Variants in DPP6 observed in about 807,000 individuals in gnomAD.
DPP6 encodes A-type potassium channel modulatory protein DPP6.
DPP6 carries 69 observed loss-of-function variants against 122.6 expected under a neutral mutation model. That is an observed-to-expected ratio of 0.56 (90% CI 0.46 to 0.69). The LOEUF is 0.69. Ranked by LOEUF, DPP6 falls within the 30% of genes least tolerant of loss-of-function variation. The pLI, the probability that DPP6 is intolerant of heterozygous loss-of-function variation, is 0.00. For missense variants in DPP6, 928 were observed against 1,116.9 expected (o/e 0.83, Z 2.41); for synonymous variants, 418 against 433.1 (o/e 0.97, Z 0.43).
In DPP6 at chr7:154,624,970, A is replaced by G. The variant is rs1244476619; in HGVS notation, c.628-12851A>G. On this transcript the variant is annotated intron_variant, in intron 5 of 25. Coordinates refer to ENST00000377770, the MANE Select transcript of DPP6 (RefSeq NM_130797.4). The surrounding 1 kb of genome is among the most constrained non-coding windows in gnomAD (Gnocchi z 4.7). ...AATGTGGACACCACCATAAACTGTGACATCACCATCACCCGGACACCAGTG... is the reference window on the plus strand; with the variant it reads ...AATGTGGACACCACCATAAACTGTGGCATCACCATCACCCGGACACCAGTG... Among the ~76,000 whole-genome samples, 1 of 152,242 alleles carries G rather than the reference A, an allele frequency of 6.6e-6. No individual in the cohort carries two copies. The highest frequency in any genetic ancestry group is 1.5e-5 in the Non-Finnish European group (1 of 68,036).
intron 1 of DPP6, among the ~76,000 whole-genome samples, chr7:154,205,047 C>T (rs1799367864): frequency 3.9e-5 from 6 of 152,130 alleles, no homozygotes; most frequent in Admixed American, 3.9e-4. Flanking sequence ...TCTGATACAC[C>T]CTCTGGTCCT....
intron 16 of DPP6, among the ~76,000 whole-genome samples, chr7:154,817,947 A>G (rs544849872): frequency 2.6e-5 from 4 of 152,298 alleles, no homozygotes; most frequent in South Asian, 2.1e-4. Flanking sequence ...CATGCCATGC[A>G]TCTATGATGT....
intron 6 of DPP6, among the ~76,000 whole-genome samples, chr7:154,658,412 A>T (rs1010622768): frequency 1.3e-5 from 2 of 152,222 alleles, no homozygotes; most frequent in African/African-American, 4.8e-5. Context: ...AATGGAAAGT[A>T]TTTGATAGTT....
At chr7:154,869,983 T>C (rs529982266) in intron 18 of DPP6, among the ~76,000 whole-genome samples, 150 of 151,756 alleles carry the variant, frequency 9.9e-4, no homozygotes, top group Non-Finnish European at 1.6e-3. Flanking sequence ...AATAATTTTG[T>C]GTGTGTCTGT....
At chr7:153,983,163 G>A (rs1044502919) in intron 1 of DPP6, among the ~76,000 whole-genome samples, 1 of 152,252 alleles carries the variant, frequency 6.6e-6, no homozygotes, top group Non-Finnish European at 1.5e-5. Context: ...CCTTCCCAAA[G>A]GTGCTGTGTC....
At chr7:154,592,203 G>A (rs766958730) in intron 5 of DPP6, among the ~76,000 whole-genome samples, 1 of 152,180 alleles carries the variant, frequency 6.6e-6, no homozygotes, top group South Asian at 2.1e-4. Context: ...CAGCAGATGT[G>A]GGCCAGAGTA....
chr7:154,788,084 G>T (rs2150415334), intron 10 of DPP6, among the ~76,000 whole-genome samples: 1 of 152,110 alleles, frequency 6.6e-6, no homozygotes, highest in East Asian at 1.9e-4. Context: ...TTTTTTACAT[G>T]TTGAGTTTTT....
At chr7:154,753,191 T>G (rs1843484812) in intron 8 of DPP6, among the ~76,000 whole-genome samples, 1 of 152,108 alleles carries the variant, frequency 6.6e-6, no homozygotes, top group African/African-American at 2.4e-5. Flanking sequence ...TGGTGCTAAA[T>G]TGTCAGGTTG....
chr7:154,125,421 A>G (rs1190178570), intron 1 of DPP6, among the ~76,000 whole-genome samples: 1 of 152,248 alleles, frequency 6.6e-6, no homozygotes, highest in East Asian at 1.9e-4. Flanking sequence ...AAGTAGTCGC[A>G]TTAGAGAAGA....
At chr7:154,804,998 C>T in intron 15 of DPP6, 34 bp downstream of exon 15, 1 of 1,578,564 alleles carries the variant, frequency 6.3e-7, no homozygotes, top group African/African-American at 1.3e-5. Flanking sequence ...CAGGGCTCTC[C>T]CCCTTAGGAG....
chr7:154,064,245 A>T (rs1802524485), intron 1 of DPP6, among the ~76,000 whole-genome samples: 1 of 152,122 alleles, frequency 6.6e-6, no homozygotes, highest in South Asian at 2.1e-4. Context: ...GGGCCCTCGC[A>T]ATCATTGCAC....
At chr7:154,865,877 T>A (rs1365799092) in intron 17 of DPP6, among the ~76,000 whole-genome samples, 1 of 152,294 alleles carries the variant, frequency 6.6e-6, no homozygotes, top group East Asian at 1.9e-4. Flanking sequence ...TTCCAAGATA[T>A]GAATCGATTT....
chr7:154,877,561 G>C lies in DPP6; in HGVS notation c.2078+1461G>C, dbSNP rs192529795. On this transcript the variant is annotated intron_variant, in intron 20 of 25. Coordinates refer to ENST00000377770, the MANE Select transcript of DPP6 (RefSeq NM_130797.4). This position sits in a 1 kb window ranked among gnomAD's most constrained non-coding sequence, Gnocchi z 5.2. ...TCCGTCTCTCCGCCCAGCCAGCCAT[G>C]ATGGTCTCATCCTAAGCCGAGCCCT... Among the ~76,000 whole-genome samples, 8 of 152,314 alleles carry C rather than the reference G, an allele frequency of 5.3e-5. No individual in the cohort carries two copies. In the East Asian group the frequency reaches 1.5e-3, roughly 29 times the overall value.
At position 154,055,091 on chromosome 7, in the gene DPP6, T is replaced by TTC. The variant is rs1800702874; in HGVS notation, c.243+2029_243+2030insCT. Among the ~76,000 whole-genome samples the TTC allele has an allele frequency of 5.1e-4, 13 of 25,480 alleles. No homozygotes were observed. The South Asian group carries it at 0.024, about 46-fold the overall frequency. The allele number at this position is 25,480 out of a possible 152,430, so 16.7% of individuals were successfully genotyped here. A position where few individuals can be genotyped will look rare whatever the true frequency, so the allele number is the denominator to read the frequency against. ...AACTTAGATGTAAGTCCTGACATGC[T>TTC]TTTTTTTTTTTTTTCTGGAAAATAC... On this transcript the variant is annotated intron_variant, in intron 1 of 25. Coordinates refer to ENST00000377770, the MANE Select transcript of DPP6 (RefSeq NM_130797.4).
exon 1 of DPP6, chr7:153,887,607 C>T: frequency 6.4e-7 from 1 of 1,555,838 alleles, no homozygotes; most frequent in East Asian, 2.3e-5. Flanking sequence ...CCAGTCCAGT[C>T]TACTTTAATC....
chr7:154,444,877 C>A (rs575230003), intron 1 of DPP6, among the ~76,000 whole-genome samples: 1 of 152,236 alleles, frequency 6.6e-6, no homozygotes, highest in African/African-American at 2.4e-5. Flanking sequence ...TTGTTGCTCA[C>A]GGATAGTCTT....
chr7:154,469,596 G>A (rs925799301), intron 2 of DPP6, among the ~76,000 whole-genome samples: 3 of 152,114 alleles, frequency 2.0e-5, no homozygotes, highest in African/African-American at 2.4e-5. Flanking sequence ...ATTTGCAGAC[G>A]TGCTACCTGG....
chr7:154,634,682 T>C (rs1455827331), intron 5 of DPP6, among the ~76,000 whole-genome samples: 1 of 151,846 alleles, frequency 6.6e-6, no homozygotes, highest in Non-Finnish European at 1.5e-5. Flanking sequence ...CCCTTCTCCT[T>C]CTCCTTCGTC....
At chr7:154,684,730 G>A (rs1164669071) in intron 7 of DPP6, among the ~76,000 whole-genome samples, 2 of 152,252 alleles carry the variant, frequency 1.3e-5, no homozygotes, top group African/African-American at 4.8e-5. Context: ...GCACGTACAT[G>A]TATCTATTTA....
Sources: gnomAD v4.1 joint callset for allele counts (sites outside exome capture counted in the v4.1 genomes callset) on GRCh38, gnomAD v4.1.1 for gene constraint, Gnocchi (gnomAD v3.1) non-coding constraint, MANE v1.5 for transcripts, NCBI Gene and HGNC (gene_info 2026-07-23, HGNC 2026-07-21) for gene names.